PTPDC1: variants seen among roughly 807,000 people sequenced by gnomAD.
The protein encoded by PTPDC1 is protein tyrosine phosphatase domain-containing protein 1.
A neutral mutation model predicts 75.3 loss-of-function variants in PTPDC1; 53 were observed. That is an observed-to-expected ratio of 0.70 (90% CI 0.56 to 0.88). The LOEUF is 0.88. Ranked by LOEUF, PTPDC1 falls within the 40% of genes least tolerant of loss-of-function variation. The probability of loss-of-function intolerance (pLI) is 0.00; values close to 1 mark genes in which losing one functional copy is unlikely to be tolerated. For synonymous variants in PTPDC1, 349 were observed against 366.2 expected (o/e 0.95, Z 0.54); for missense variants, 925 against 998.6 (o/e 0.93, Z 0.99).
chr9:94,097,504 A>G lies in PTPDC1; in HGVS notation c.938A>G (p.His313Arg), dbSNP rs1174311621. 1.2e-5 allele frequency: 19 copies of G among 1,614,054 alleles called. No individual in the cohort carries two copies. The highest frequency in any genetic ancestry group is 1.6e-5 in the Non-Finnish European group (19 of 1,180,012). Residue 313 changes from histidine (H) to arginine (R), a missense_variant, in exon 6 of 9, where the codon CAT becomes CGT. His to Arg is a conservative substitution (Grantham distance 29, BLOSUM62 0). Coordinates refer to ENST00000620992, the MANE Select transcript of PTPDC1 (RefSeq NM_001253829.2). ...NIFSCCDPKA[H>R]AVTLPQYLIR... is the part of the protein sequence containing the mutation. ...TTCTCTTGCTGTGATCCCAAAGCAC[A>G]TGCTGTCACCTTACCTCAATATCTA...
intron 4 of PTPDC1, among the ~76,000 whole-genome samples, chr9:94,091,321 T>C (rs1247241726): frequency 6.6e-6 from 1 of 152,214 alleles, no homozygotes; most frequent in African/African-American, 2.4e-5. Flanking sequence ...AAGGCTTTTT[T>C]CTGCATCTAT....
intron 2 of PTPDC1, among the ~76,000 whole-genome samples, chr9:94,070,906 G>C (rs1587869293): frequency 1.3e-5 from 2 of 152,168 alleles, no homozygotes; most frequent in Admixed American, 6.5e-5. Flanking sequence ...GTGTTTATCA[G>C]TTCATTCACT....
intron 4 of PTPDC1, among the ~76,000 whole-genome samples, chr9:94,089,154 G>C (rs1827188555): frequency 1.4e-5 from 2 of 142,742 alleles, no homozygotes; most frequent in South Asian, 4.5e-4. Context: ...ATGTATACAT[G>C]TGCCATGCTG....
chr9:94,057,755 T>C (rs1295597520), intron 1 of PTPDC1, among the ~76,000 whole-genome samples: 2 of 152,234 alleles, frequency 1.3e-5, no homozygotes, highest in African/African-American at 4.8e-5. Flanking sequence ...AATATAATTT[T>C]TGATCAGCAG....
intron 6 of PTPDC1, chr9:94,101,110 A>G (rs1446274450): frequency 2.0e-5 from 3 of 152,448 alleles, no homozygotes; most frequent in Non-Finnish European, 4.4e-5. Flanking sequence ...CTTAGACCCC[A>G]GGTTAATGTA....
chr9:94,051,307 G>A (rs546118979), intron 1 of PTPDC1, among the ~76,000 whole-genome samples: 1 of 152,212 alleles, frequency 6.6e-6, no homozygotes, highest in Admixed American at 6.5e-5. Context: ...TGTTGCTCAT[G>A]CTGGGAGCTG....
chr9:94,082,505 A>T (rs1285856505), upstream of PTPDC1, among the ~76,000 whole-genome samples: 1 of 152,192 alleles, frequency 6.6e-6, no homozygotes, highest in African/African-American at 2.4e-5. Flanking sequence ...TGTTGTGTTT[A>T]TTGTAACTGA....
intron 1 of PTPDC1, chr9:94,038,324 A>C: frequency 2.4e-5 from 15 of 631,880 alleles, no homozygotes; most frequent in East Asian, 5.9e-5. Flanking sequence ...AGCTTATCTC[A>C]AAAAAAGCTA....
At chr9:94,080,089 A>G (rs1294595334), upstream of PTPDC1, among the ~76,000 whole-genome samples, 2 of 152,160 alleles carry the variant, frequency 1.3e-5, no homozygotes, top group African/African-American at 4.8e-5. Context: ...GTGACCCTAC[A>G]TGGAATATTG....
chr9:94,045,018 G>A (rs191904929), intron 1 of PTPDC1, among the ~76,000 whole-genome samples: 63 of 105,346 alleles, frequency 6.0e-4, no homozygotes, highest in Non-Finnish European at 3.5e-4. Context: ...AACAGTTCTC[G>A]GTGTGTGATG....
At chr9:94,067,521 CAT>C (rs1386169705) in intron 2 of PTPDC1, among the ~76,000 whole-genome samples, 1 of 151,724 alleles carries the variant, frequency 6.6e-6, no homozygotes, top group Non-Finnish European at 1.5e-5. Context: ...ATAGATATAC[CAT>C]AGATATAATT....
intron 2 of PTPDC1, among the ~76,000 whole-genome samples, chr9:94,067,700 C>T (rs1480289713): frequency 6.6e-6 from 1 of 152,098 alleles, no homozygotes; most frequent in Non-Finnish European, 1.5e-5. Flanking sequence ...CTCCCAAGTT[C>T]AAGCGATTCT....
At chr9:94,050,305 TCCAG>T (rs1470412817) in intron 1 of PTPDC1, among the ~76,000 whole-genome samples, 1 of 152,222 alleles carries the variant, frequency 6.6e-6, no homozygotes. Context: ...TTTTAGAGTT[TCCAG>T]TTTTTCTGCT....
At chr9:94,067,885 A>G (rs893017523) in intron 2 of PTPDC1, among the ~76,000 whole-genome samples, 2 of 152,200 alleles carry the variant, frequency 1.3e-5, no homozygotes, top group Non-Finnish European at 2.9e-5. Flanking sequence ...TACAGGCGTG[A>G]GCTACCGTGC....
intron 1 of PTPDC1, among the ~76,000 whole-genome samples, chr9:94,032,958 C>T (rs1361545760): frequency 2.0e-5 from 3 of 152,148 alleles, no homozygotes; most frequent in Non-Finnish European, 4.4e-5. Flanking sequence ...ACCTGCCAGG[C>T]TCAAGCAATC....
chr9:94,092,893 A>G (rs1258771048), intron 4 of PTPDC1, among the ~76,000 whole-genome samples: 1 of 151,232 alleles, frequency 6.6e-6, no homozygotes, highest in East Asian at 2.0e-4. Context: ...TTTATCAGAG[A>G]CTAGGATTGC....
In PTPDC1 at chr9:94,084,557, G is replaced by GC. The variant is rs1329239993; in HGVS notation, c.30dup (p.Ser11LeufsTer71). 6.2e-7 allele frequency: 1 copy of GC among 1,612,624 alleles called. No homozygotes were observed. Among genetic ancestry groups the GC allele is most frequent in the Non-Finnish European group, 8.5e-7 (1 of 1,180,010 alleles). On this transcript the variant is annotated frameshift_variant, in exon 1 of 9. Coordinates refer to ENST00000620992, the MANE Select transcript of PTPDC1 (RefSeq NM_001253829.2). LOFTEE classifies it high-confidence loss of function. ...TGCAGGTGCAGGATGCAACCAGGCG[G>GC]CCCTCAGCCGTGCGCTTCCTCAGCT...
intron 1 of PTPDC1, among the ~76,000 whole-genome samples, chr9:94,047,744 T>C (rs573292977): frequency 4.9e-4 from 74 of 150,592 alleles, no homozygotes; most frequent in African/African-American, 1.4e-3. Flanking sequence ...ATATCACCAC[T>C]GATCCCACAG....
At chr9:94,088,302 G>T in intron 4 of PTPDC1, 39 bp downstream of exon 4, 1 of 1,601,504 alleles carries the variant, frequency 6.2e-7, no homozygotes, top group South Asian at 1.1e-5. Flanking sequence ...ATTATCAAGG[G>T]CAGCACTCAG....
Sources: gnomAD v4.1 joint callset for allele counts (sites outside exome capture counted in the v4.1 genomes callset) on GRCh38, gnomAD v4.1.1 for gene constraint, MANE v1.5 for transcripts, NCBI Gene and HGNC (gene_info 2026-07-23, HGNC 2026-07-21) for gene names.